The following NXPH2 variants were observed in gnomAD, a reference collection of about 807,000 sequenced individuals.
NXPH2 encodes neurexophilin 2.
Under a neutral mutation model 19.8 loss-of-function variants are expected in NXPH2, and 5 were observed. The ratio of observed to expected loss-of-function variants is 0.25; its 90% confidence interval spans 0.13 to 0.53. NXPH2 has a LOEUF of 0.53. Among genes scored for constraint, NXPH2 ranks in the 20% least tolerant of loss-of-function variants. The pLI is 0.96. For missense variants in NXPH2, 289 were observed against 322.8 expected, an observed-to-expected ratio of 0.90 and a Z score of 0.80; for synonymous variants, 154 against 127.4, an observed-to-expected ratio of 1.21 and a Z score of -1.41.
intron 1 of NXPH2, among the ~76,000 whole-genome samples, chr2:138,703,575 A>G (rs1680964831): frequency 6.6e-6 from 1 of 152,214 alleles, no homozygotes; most frequent in Admixed American, 6.5e-5. Flanking sequence ...AACCTAGCAC[A>G]GGTTCTAACC....
intron 1 of NXPH2, among the ~76,000 whole-genome samples, chr2:138,708,758 T>C (rs1041980736): frequency 5.9e-5 from 9 of 152,170 alleles, no homozygotes. Flanking sequence ...AATTAAGTAG[T>C]TGGATTCCAA....
At chr2:138,706,104 C>T (rs1479869688) in intron 1 of NXPH2, among the ~76,000 whole-genome samples, 1 of 152,200 alleles carries the variant, frequency 6.6e-6, no homozygotes, top group Non-Finnish European at 1.5e-5. Context: ...GGAAAACAAT[C>T]TATGCCTGTG....
intron 1 of NXPH2, among the ~76,000 whole-genome samples, chr2:138,692,020 G>A (rs1309014308): frequency 4.6e-5 from 7 of 152,166 alleles, no homozygotes; most frequent in African/African-American, 9.7e-5. Flanking sequence ...TATGAAGTGA[G>A]GTGATAGCGT....
chr2:138,705,885 C>T (rs1558918112), intron 1 of NXPH2, among the ~76,000 whole-genome samples: 1 of 152,152 alleles, frequency 6.6e-6, no homozygotes, highest in African/African-American at 2.4e-5. Context: ...ACTTTTTAAT[C>T]AAAAACCATT....
chr2:138,694,407 C>G (rs1680796742), intron 1 of NXPH2, among the ~76,000 whole-genome samples: 1 of 152,094 alleles, frequency 6.6e-6, no homozygotes, highest in African/African-American at 2.4e-5. Flanking sequence ...TGACAGGTGT[C>G]TTTATAAGAG....
chr2:138,681,507 A>T (rs1573951916), intron 1 of NXPH2, among the ~76,000 whole-genome samples: 1 of 152,224 alleles, frequency 6.6e-6, no homozygotes, highest in African/African-American at 2.4e-5. Flanking sequence ...TGCATAGATC[A>T]CCTACCACTA....
intron 1 of NXPH2, among the ~76,000 whole-genome samples, chr2:138,680,951 C>A (rs1296398515): frequency 6.6e-6 from 1 of 152,162 alleles, no homozygotes; most frequent in East Asian, 1.9e-4. Context: ...TGACCATAAA[C>A]AGGCTCCGAT....
intron 1 of NXPH2, among the ~76,000 whole-genome samples, chr2:138,776,581 C>A (rs964602534): frequency 1.3e-5 from 2 of 148,764 alleles, no homozygotes; most frequent in East Asian, 2.0e-4. Flanking sequence ...TTTTAATGCA[C>A]GGCCAACTCT....
Position 138,670,387 on chromosome 2 carries a change from A to G in NXPH2, c.*535T>C, listed in dbSNP as rs540221865. On this transcript the variant is annotated 3_prime_UTR_variant, in exon 2 of 2. Coordinates refer to ENST00000272641, the MANE Select transcript of NXPH2 (RefSeq NM_007226.3). ...TGTAACTTCACACATGAATTTTGAAACAAATTTTACCTTTTTTTCTCTCAT... is the reference window on the plus strand; with the variant it reads ...TGTAACTTCACACATGAATTTTGAAGCAAATTTTACCTTTTTTTCTCTCAT... 1.3e-5 allele frequency among the ~76,000 whole-genome samples: 2 copies of G among 152,330 alleles called. No individual in the cohort carries two copies. Among genetic ancestry groups the G allele is most frequent in the East Asian group, 3.9e-4 (2 of 5,190 alleles).
intron 1 of NXPH2, among the ~76,000 whole-genome samples, chr2:138,683,324 C>T (rs1046307466): frequency 6.6e-6 from 1 of 152,046 alleles, no homozygotes; most frequent in Non-Finnish European, 1.5e-5. Context: ...ATATAATGGC[C>T]TGGGAGAGAC....
At chr2:138,679,255 T>G (rs1462012343) in intron 1 of NXPH2, among the ~76,000 whole-genome samples, 2 of 152,234 alleles carry the variant, frequency 1.3e-5, no homozygotes, top group African/African-American at 4.8e-5. Context: ...GGTGGTACTT[T>G]TGTTACTTAC....
chr2:138,764,495 T>C (rs1434713847), intron 1 of NXPH2, among the ~76,000 whole-genome samples: 1 of 152,208 alleles, frequency 6.6e-6, no homozygotes, highest in Non-Finnish European at 1.5e-5. Flanking sequence ...TAGAGGAAAT[T>C]AACATCCACA....
In NXPH2 at chr2:138,745,494, G is replaced by A. The variant is rs1372340105; in HGVS notation, c.51+34697C>T. On this transcript the variant is annotated intron_variant, in intron 1 of 1. Transcript: ENST00000272641. Reference sequence around the variant, plus strand: ...CACATCCTTTTCTTCTTTTTTTGGCGGGGGGGGGGGGGTGTTGTTTGCATG... The same window carrying A: ...CACATCCTTTTCTTCTTTTTTTGGCAGGGGGGGGGGGGTGTTGTTTGCATG... 8.3e-4 allele frequency among the ~76,000 whole-genome samples: 8 copies of A among 9,614 alleles called. No individual in the cohort carries two copies. In the East Asian group the frequency reaches 0.012, roughly 14 times the overall value. The allele number at this position is 9,614 out of a possible 152,430, so 6.3% of individuals were successfully genotyped here.
intron 1 of NXPH2, among the ~76,000 whole-genome samples, chr2:138,714,339 C>T (rs1217655996): frequency 2.0e-5 from 3 of 152,096 alleles, no homozygotes; most frequent in African/African-American, 7.2e-5. Flanking sequence ...ATTAATTCCA[C>T]AAATATTTAT....
intron 1 of NXPH2, among the ~76,000 whole-genome samples, chr2:138,702,571 T>A (rs1264681452): frequency 2.0e-5 from 3 of 152,114 alleles, no homozygotes; most frequent in Non-Finnish European, 4.4e-5. Flanking sequence ...TTTCTTGAGT[T>A]ACCTTCCCAC....
rs1368652643 is a variant in NXPH2 at position 138,669,169 on chromosome 2, A to T, written c.*1753T>A. On this transcript the variant is annotated 3_prime_UTR_variant, in exon 2 of 2. Coordinates refer to ENST00000272641, the MANE Select transcript of NXPH2 (RefSeq NM_007226.3). Reference sequence around the variant, plus strand: ...TAACCACCCAGGATTAATGTGACAGATCTAGCAAATTCTTTTTATTTACAT... The same window carrying T: ...TAACCACCCAGGATTAATGTGACAGTTCTAGCAAATTCTTTTTATTTACAT... 6.6e-6 allele frequency among the ~76,000 whole-genome samples: 1 copy of T among 152,096 alleles called. No individual in the cohort carries two copies. Among genetic ancestry groups the T allele is most frequent in the Non-Finnish European group, 1.5e-5 (1 of 68,012 alleles).
chr2:138,712,851 G>A (rs995077526), intron 1 of NXPH2, among the ~76,000 whole-genome samples: 3 of 152,110 alleles, frequency 2.0e-5, no homozygotes, highest in South Asian at 4.2e-4. Flanking sequence ...TGTCACACAC[G>A]GCCTAGCACA....
At chr2:138,776,231 AC>A (rs1027963320) in intron 1 of NXPH2, among the ~76,000 whole-genome samples, 1 of 152,084 alleles carries the variant, frequency 6.6e-6, no homozygotes, top group African/African-American at 2.4e-5. Context: ...GACAATGTAA[AC>A]CCCTAAAATA....
intron 1 of NXPH2, among the ~76,000 whole-genome samples, chr2:138,767,667 T>C (rs927533317): frequency 1.3e-5 from 2 of 152,228 alleles, no homozygotes; most frequent in African/African-American, 4.8e-5. Flanking sequence ...GTTAATAAGA[T>C]AAAACGTTTT....
Sources: gnomAD v4.1 joint callset for allele counts (sites outside exome capture counted in the v4.1 genomes callset) on GRCh38, gnomAD v4.1.1 for gene constraint, MANE v1.5 for transcripts, NCBI Gene and HGNC (gene_info 2026-07-23, HGNC 2026-07-21) for gene names.